The following MAF variants were observed in gnomAD, a reference collection of about 807,000 sequenced individuals.
The protein encoded by MAF is MAF bZIP transcription factor, also known as transcription factor Maf.
MAF carries 10 observed loss-of-function variants against 22.0 expected under a neutral mutation model. That is an observed-to-expected ratio of 0.45 (90% confidence interval 0.28 to 0.77). The LOEUF is 0.77. Among genes scored for constraint, MAF ranks in the 30% least tolerant of loss-of-function variants. The pLI is 0.12. For missense variants in MAF, 544 were observed against 548.4 expected (o/e 0.99, Z 0.08); for synonymous variants, 337 against 255.8 (o/e 1.32, Z -3.03).
chr16:79,316,476 A>T, the MAF span, among the ~76,000 whole-genome samples: 2 of 152,136 alleles, frequency 1.3e-5, no homozygotes, highest in Non-Finnish European at 2.9e-5. Context: ...CTCGGTTTCC[A>T]TGTCTCTGAG....
chr16:79,567,970 G>A, the MAF span, among the ~76,000 whole-genome samples: 6 of 152,130 alleles, frequency 3.9e-5, no homozygotes, highest in Admixed American at 2.0e-4. Flanking sequence ...TTCTTGTATC[G>A]ACAGACTCCA....
chr16:79,488,839 C>T, the MAF span, among the ~76,000 whole-genome samples: 48 of 152,266 alleles, frequency 3.2e-4, no homozygotes, highest in African/African-American at 1.0e-3. Context: ...TTGAACGTCA[C>T]CTCAATTAAA....
At chr16:79,231,717 C>T in the MAF span, among the ~76,000 whole-genome samples, 1 of 152,128 alleles carries the variant, frequency 6.6e-6, no homozygotes, top group African/African-American at 2.4e-5. Context: ...ACTGGTTTCA[C>T]GGAAGACAGT....
the MAF span, among the ~76,000 whole-genome samples, chr16:79,260,250 A>C: frequency 6.6e-6 from 1 of 152,180 alleles, no homozygotes; most frequent in Non-Finnish European, 1.5e-5. Context: ...TCCTGGGCTC[A>C]AGTGATCCTC....
At chr16:79,216,316 T>C in the MAF span, among the ~76,000 whole-genome samples, 4 of 152,236 alleles carry the variant, frequency 2.6e-5, no homozygotes, top group African/African-American at 9.6e-5. Context: ...AACACATATA[T>C]GTGGCACATG....
chr16:79,325,393 C>G, the MAF span, among the ~76,000 whole-genome samples: 2 of 152,124 alleles, frequency 1.3e-5, no homozygotes, highest in African/African-American at 4.8e-5. Context: ...ACCCTTACTA[C>G]AGCTGTGTGA....
the MAF span, among the ~76,000 whole-genome samples, chr16:79,512,028 ACTT>A: frequency 3.9e-5 from 6 of 152,110 alleles, no homozygotes; most frequent in East Asian, 1.9e-4. Flanking sequence ...CAGTGCACGA[ACTT>A]CTTCTCCAAT....
chr16:79,381,860 T>C, the MAF span, among the ~76,000 whole-genome samples: 4 of 152,200 alleles, frequency 2.6e-5, no homozygotes, highest in Non-Finnish European at 4.4e-5. Flanking sequence ...CTCAGAGCTC[T>C]TGAACTCAAC....
chr16:79,399,374 A>G, the MAF span, among the ~76,000 whole-genome samples: 1 of 152,330 alleles, frequency 6.6e-6, no homozygotes, highest in East Asian at 1.9e-4. Flanking sequence ...AGGAGGGAGC[A>G]CTGCTCACCC....
chr16:79,404,399 T>C, the MAF span, among the ~76,000 whole-genome samples: 1 of 152,152 alleles, frequency 6.6e-6, no homozygotes, highest in Admixed American at 6.5e-5. Context: ...CTTGACCTCG[T>C]GATCTGCCCG....
At chr16:79,346,531 T>G in the MAF span, among the ~76,000 whole-genome samples, 1 of 152,224 alleles carries the variant, frequency 6.6e-6, no homozygotes, top group Non-Finnish European at 1.5e-5. Context: ...CTTTCACATT[T>G]AAATCCAAAT....
the MAF span, among the ~76,000 whole-genome samples, chr16:79,394,663 C>G: frequency 6.6e-6 from 1 of 152,122 alleles, no homozygotes; most frequent in East Asian, 1.9e-4. Flanking sequence ...TCATAGAGAG[C>G]AGTGATTCTC....
At chr16:79,370,214 G>C in the MAF span, among the ~76,000 whole-genome samples, 1 of 152,192 alleles carries the variant, frequency 6.6e-6, no homozygotes, top group Non-Finnish European at 1.5e-5. Flanking sequence ...GTTAGGAACA[G>C]GTGTAGAAAT....
At chr16:79,447,797 G>C in the MAF span, among the ~76,000 whole-genome samples, 7 of 150,154 alleles carry the variant, frequency 4.7e-5, no homozygotes, top group East Asian at 6.0e-4. Flanking sequence ...GGGAGGCTGA[G>C]GCAGGAGAAT....
the MAF span, among the ~76,000 whole-genome samples, chr16:79,296,545 GA>G: frequency 4.6e-5 from 7 of 151,514 alleles, no homozygotes; most frequent in East Asian, 1.9e-4. Flanking sequence ...TTTTTTAAAA[GA>G]AAAAAATCAG....
At chr16:79,250,114 C>G in the MAF span, among the ~76,000 whole-genome samples, 1 of 152,196 alleles carries the variant, frequency 6.6e-6, no homozygotes, top group Non-Finnish European at 1.5e-5. Context: ...AGACATTGTT[C>G]TCACCTCTTT....
the MAF span, among the ~76,000 whole-genome samples, chr16:79,561,940 A>G: frequency 2.0e-5 from 3 of 152,200 alleles, no homozygotes; most frequent in Non-Finnish European, 4.4e-5. Context: ...AAGCGAGCCA[A>G]GAGTAGACAC....
chr16:79,449,041 C>T, the MAF span, among the ~76,000 whole-genome samples: 3 of 152,150 alleles, frequency 2.0e-5, no homozygotes, highest in East Asian at 5.8e-4. Flanking sequence ...ATGAGACAGT[C>T]CCATCTGGGG....
chr16:79,298,427 T>G, the MAF span, among the ~76,000 whole-genome samples: 1 of 152,218 alleles, frequency 6.6e-6, no homozygotes, highest in African/African-American at 2.4e-5. Flanking sequence ...GGGATACAGA[T>G]CCTGCAAGCT....
Sources: allele counts gnomAD v4.1 joint callset (sites outside exome capture counted in the v4.1 genomes callset), GRCh38; gene constraint gnomAD v4.1.1; transcripts MANE v1.5; gene names NCBI Gene and HGNC (gene_info 2026-07-23, HGNC 2026-07-21).